The following TMOD3 variants were observed in gnomAD, a reference collection of about 807,000 sequenced individuals.
TMOD3 encodes the protein tropomodulin-3.
A neutral mutation model predicts 39.2 loss-of-function variants in TMOD3; 20 were observed. The ratio of observed to expected loss-of-function variants is 0.51; its 90% CI spans 0.36 to 0.74. TMOD3 has a LOEUF of 0.74. TMOD3 is among the 30% of genes least tolerant of loss of function. The pLI is 0.00. For missense variants in TMOD3, 381 were observed against 412.8 expected (o/e 0.92, Z 0.67); for synonymous variants, 143 against 145.8 (o/e 0.98, Z 0.14).
At chr15:51,856,513 T>C (rs2056388386) in intron 1 of TMOD3, among the ~76,000 whole-genome samples, 1 of 151,476 alleles carries the variant, frequency 6.6e-6, no homozygotes, top group Non-Finnish European at 1.5e-5. Flanking sequence ...AGAAACGTTT[T>C]CCCCTAGGAT....
At chr15:51,864,605 A>G (rs1416225639) in intron 2 of TMOD3, among the ~76,000 whole-genome samples, 5 of 152,210 alleles carry the variant, frequency 3.3e-5, no homozygotes, top group African/African-American at 9.7e-5. Flanking sequence ...TCAGGAGGCA[A>G]AAGGATCAAG....
chr15:51,877,293 T>C (rs985020429), intron 3 of TMOD3, among the ~76,000 whole-genome samples: 1 of 152,212 alleles, frequency 6.6e-6, no homozygotes, highest in African/African-American at 2.4e-5. Context: ...GTGCTGGATG[T>C]ATTGATATAC....
chr15:51,863,086 T>C, intron 2 of TMOD3, 76 bp downstream of exon 2: 1 of 1,474,696 alleles, frequency 6.8e-7, no homozygotes, highest in Non-Finnish European at 9.2e-7. Flanking sequence ...TTTGAGCTTT[T>C]CCATGACTTT....
At chr15:51,891,692 A>C (rs1168316166) in intron 5 of TMOD3, among the ~76,000 whole-genome samples, 2 of 152,188 alleles carry the variant, frequency 1.3e-5, no homozygotes, top group Non-Finnish European at 2.9e-5. Context: ...GGAATGGGGA[A>C]AGAAATCTTT....
chr15:51,848,919 A>G (rs1179702032), intron 1 of TMOD3, among the ~76,000 whole-genome samples: 2 of 152,198 alleles, frequency 1.3e-5, no homozygotes, highest in Non-Finnish European at 2.9e-5. Context: ...TGTGGAATTC[A>G]GGGATTGGCA....
intron 1 of TMOD3, among the ~76,000 whole-genome samples, chr15:51,850,760 G>A (rs1054547769): frequency 2.0e-5 from 3 of 151,876 alleles, no homozygotes; most frequent in Non-Finnish European, 1.5e-5. Context: ...TGTTTGAGAC[G>A]GAGTATTGCT....
chr15:51,832,301 A>G (rs958329616), intron 1 of TMOD3, among the ~76,000 whole-genome samples: 1 of 148,076 alleles, frequency 6.8e-6, no homozygotes, highest in Non-Finnish European at 1.5e-5. Flanking sequence ...TGTATAGTCC[A>G]CAGCACTTGT....
intron 3 of TMOD3, among the ~76,000 whole-genome samples, chr15:51,884,173 T>C (rs2141697877): frequency 6.6e-6 from 1 of 152,338 alleles, no homozygotes; most frequent in East Asian, 1.9e-4. Context: ...GCTGTGTGAC[T>C]TTGAGCCCAT....
In TMOD3 at chr15:51,862,943, T is replaced by C; in HGVS notation, c.59T>C (p.Leu20Pro). ...EKYKDLDEDE[L>P]LGNLSETELK... ...TACAAAGACCTTGATGAAGATGAGC[T>C]CCTTGGGAATCTGTCAGAAACAGAA... The change falls in exon 2 of 10, where the codon CTC becomes CCC. Residue 20 changes from leucine (L) to proline (P), a missense_variant. Transcript: ENST00000308580. 6.2e-7 allele frequency: 1 copy of C among 1,614,086 alleles called. No individual in the cohort carries two copies. The highest frequency in any genetic ancestry group is 8.5e-7 in the Non-Finnish European group (1 of 1,179,960).
chr15:51,902,978 G>T (rs963333664), intron 9 of TMOD3, among the ~76,000 whole-genome samples: 3 of 151,928 alleles, frequency 2.0e-5, no homozygotes, highest in Non-Finnish European at 2.9e-5. Flanking sequence ...TAGAAATGGG[G>T]TTTCACCATG....
intron 1 of TMOD3, among the ~76,000 whole-genome samples, chr15:51,834,192 A>G (rs893217695): frequency 6.6e-6 from 1 of 152,174 alleles, no homozygotes; most frequent in Non-Finnish European, 1.5e-5. Flanking sequence ...TTTGTCACAT[A>G]TAGAGATAGA....
chr15:51,911,317 G>T lies in TMOD3; in HGVS notation c.*2507G>T, dbSNP rs1369503450. ...ATCAAAGTATGAAGTTGAGTATTTT[G>T]CTTGTACCATTTCAATTCTGCATTA... On this transcript the variant is annotated 3_prime_UTR_variant, in exon 10 of 10. Coordinates refer to ENST00000308580, the MANE Select transcript of TMOD3 (RefSeq NM_014547.5). 6.6e-6 allele frequency: 1 copy of T among 151,946 alleles called. No individual in the cohort carries two copies. The highest frequency in any genetic ancestry group is 2.4e-5 in the African/African-American group (1 of 41,334). 9.4% of individuals were successfully genotyped at this position (151,946 alleles called of 1,614,324 possible).
intron 3 of TMOD3, among the ~76,000 whole-genome samples, chr15:51,873,233 C>T (rs1242054754): frequency 4.6e-5 from 7 of 152,166 alleles, no homozygotes; most frequent in Non-Finnish European, 8.8e-5. Flanking sequence ...TTCCCATCAA[C>T]CTAAATGTTA....
chr15:51,896,536 C>T lies in TMOD3; in HGVS notation c.735+10C>T, dbSNP rs750811706. 3.1e-6 allele frequency: 5 copies of T among 1,598,132 alleles called. No homozygotes were observed. The highest frequency in any genetic ancestry group is 4.3e-6 in the Non-Finnish European group (5 of 1,167,678). On this transcript the variant is annotated intron_variant, in intron 7 of 9. Transcript: ENST00000308580. ...TGACCCTGTTGCTACTGTAAGTAAG[C>T]GACTTGAGAATATCAAAATTATGAC...
At chr15:51,861,123 T>TA (rs1326644985) in intron 1 of TMOD3, 1 of 526,046 alleles carries the variant, frequency 1.9e-6, no homozygotes, top group Non-Finnish European at 3.6e-6. Flanking sequence ...ATGTTGAACA[T>TA]AATTGATAAA....
chr15:51,896,268 C>T (rs559819745), intron 6 of TMOD3, 151 bp from the exon 7 acceptor site: 6 of 580,968 alleles, frequency 1.0e-5, no homozygotes, highest in African/African-American at 1.9e-5. Context: ...GAGGAAGCTG[C>T]ATTATTTGTA....
intron 8 of TMOD3, among the ~76,000 whole-genome samples, chr15:51,900,862 C>T (rs888728843): frequency 6.6e-6 from 1 of 152,162 alleles, no homozygotes; most frequent in Admixed American, 6.5e-5. Context: ...GATATAATTA[C>T]ATACAGTAAA....
intron 5 of TMOD3, among the ~76,000 whole-genome samples, chr15:51,890,510 G>A (rs2056587237): frequency 6.6e-6 from 1 of 151,974 alleles, no homozygotes; most frequent in South Asian, 2.1e-4. Context: ...GGGCCATGTT[G>A]TGTGCACAGC....
intron 1 of TMOD3, among the ~76,000 whole-genome samples, chr15:51,855,544 A>G (rs2056383691): frequency 6.6e-6 from 1 of 152,258 alleles, no homozygotes; most frequent in Non-Finnish European, 1.5e-5. Flanking sequence ...TTTTTCTTAA[A>G]TGATCGTGAG....
Sources: gnomAD v4.1 joint callset for allele counts (sites outside exome capture counted in the v4.1 genomes callset) on GRCh38, gnomAD v4.1.1 for gene constraint, MANE v1.5 for transcripts, NCBI Gene and HGNC (gene_info 2026-07-23, HGNC 2026-07-21) for gene names.